GRIK4: variants seen among roughly 807,000 people sequenced by gnomAD.
GRIK4 encodes glutamate ionotropic receptor kainate type subunit 4.
A neutral mutation model predicts 104.9 loss-of-function variants in GRIK4; 40 were observed. The observed-to-expected ratio is 0.38, with a 90% CI of 0.30 to 0.50. The LOEUF is 0.50. Ranked by LOEUF, GRIK4 falls within the 20% of genes least tolerant of loss-of-function variation. The pLI is 0.93. For missense variants in GRIK4, 1,047 were observed against 1,308.1 expected (o/e 0.80, Z 3.08); for synonymous variants, 485 against 524.9 (o/e 0.92, Z 1.04).
rs144527728 is a variant in GRIK4 at position 120,696,261 on chromosome 11, G to A, written c.82+35861G>A. Among the ~76,000 whole-genome samples the A allele has an allele frequency of 9.9e-5, 15 of 152,258 alleles. 2 individuals carry two copies. Among genetic ancestry groups the A allele is most frequent in the East Asian group, 3.9e-4 (2 of 5,176 alleles). ...GGTTGCCCGTGAGCACATATGCACC[G>A]AAGTGTGTCTGTCCCAGTGGCAACC... is the stretch of plus-strand genomic sequence containing the variant. On this transcript the variant is annotated intron_variant, in intron 3 of 20. Transcript: ENST00000527524.
rs931728064 is a variant in GRIK4, at chr11:120,956,631, T to C, written c.1701-149T>C. On this transcript the variant is annotated intron_variant, in intron 15 of 20. Transcript: ENST00000527524. This position sits in a 1 kb window ranked among gnomAD's most constrained non-coding sequence, Gnocchi z 4.6. ...CCACTTATTTTATTTTATTTTTTTTTTGGTTGCGAAACTCCAAGTCCAGCA... is the reference window on the plus strand; with the variant it reads ...CCACTTATTTTATTTTATTTTTTTTCTGGTTGCGAAACTCCAAGTCCAGCA... 4.5e-6 allele frequency: 2 copies of C among 448,694 alleles called. No individual in the cohort carries two copies. Among genetic ancestry groups the C allele is most frequent in the Non-Finnish European group, 7.8e-6 (2 of 256,576 alleles). 27.8% of individuals were successfully genotyped at this position (448,694 alleles called of 1,614,324 possible). A position where few individuals can be genotyped will look rare whatever the true frequency, so the allele number is the denominator to read the frequency against.
intron 4 of GRIK4, among the ~76,000 whole-genome samples, chr11:120,808,162 G>T (rs1278186417): frequency 6.6e-6 from 1 of 152,206 alleles, no homozygotes; most frequent in African/African-American, 2.4e-5. Flanking sequence ...GTACATAGGG[G>T]CAGAGGAGAG....
intron 1 of GRIK4, among the ~76,000 whole-genome samples, chr11:120,632,349 C>T (rs764615283): frequency 2.0e-5 from 3 of 152,084 alleles, no homozygotes; most frequent in African/African-American, 2.4e-5. Flanking sequence ...CCTCAAACTA[C>T]GACATCCACC....
intron 13 of GRIK4, among the ~76,000 whole-genome samples, chr11:120,911,299 C>T (rs1202801152): frequency 1.2e-4 from 18 of 147,770 alleles, no homozygotes; most frequent in Non-Finnish European, 1.9e-4. Flanking sequence ...AGTGCAGTGG[C>T]GCGATCTCGA....
intron 3 of GRIK4, among the ~76,000 whole-genome samples, chr11:120,678,356 C>T (rs1950133918): frequency 6.6e-6 from 1 of 152,056 alleles, no homozygotes; most frequent in Non-Finnish European, 1.5e-5. Context: ...CTGTGGTGCT[C>T]AGAAGGGCCA....
intron 8 of GRIK4, among the ~76,000 whole-genome samples, chr11:120,839,308 A>T (rs551889791): frequency 6.6e-6 from 1 of 152,348 alleles, no homozygotes; most frequent in Non-Finnish European, 1.5e-5. Flanking sequence ...GAGAACAAGC[A>T]TGGTGAACGG....
intron 3 of GRIK4, among the ~76,000 whole-genome samples, chr11:120,786,430 G>C (rs1952275780): frequency 6.6e-6 from 1 of 152,194 alleles, no homozygotes; most frequent in Non-Finnish European, 1.5e-5. Flanking sequence ...CCATTGGACA[G>C]CTTTTTCTGG....
At chr11:120,945,435 C>A (rs527638572) in intron 14 of GRIK4, among the ~76,000 whole-genome samples, 1 of 152,244 alleles carries the variant, frequency 6.6e-6, no homozygotes, top group East Asian at 1.9e-4. Flanking sequence ...TTTTATGATA[C>A]GATTTTTGGT....
At chr11:120,566,890 G>A (rs183193405) in intron 1 of GRIK4, among the ~76,000 whole-genome samples, 35 of 151,154 alleles carry the variant, frequency 2.3e-4, no homozygotes, top group African/African-American at 7.5e-4. Context: ...TTGTATTTTA[G>A]TGGAGATGGG....
At chr11:120,612,462 T>G (rs750979839) in intron 1 of GRIK4, among the ~76,000 whole-genome samples, 7 of 151,388 alleles carry the variant, frequency 4.6e-5, no homozygotes, top group Non-Finnish European at 1.0e-4. Flanking sequence ...TACTGATTGA[T>G]TTCCTTAAAT....
intron 3 of GRIK4, among the ~76,000 whole-genome samples, chr11:120,728,351 A>G (rs1177332982): frequency 6.6e-6 from 1 of 152,200 alleles, no homozygotes; most frequent in African/African-American, 2.4e-5. Context: ...AAGAACACAC[A>G]CTTATATTAA....
At chr11:120,577,512 A>G (rs555296258) in intron 1 of GRIK4, among the ~76,000 whole-genome samples, 3 of 152,122 alleles carry the variant, frequency 2.0e-5, no homozygotes, top group Admixed American at 6.5e-5. Flanking sequence ...CTGATCTTCC[A>G]GGGCTAGGTG....
At chr11:120,927,061 C>A (rs74594005) in intron 13 of GRIK4, among the ~76,000 whole-genome samples, 1 of 151,978 alleles carries the variant, frequency 6.6e-6, no homozygotes, top group Non-Finnish European at 1.5e-5. Context: ...ACTCCAAGAC[C>A]CCAAGGTGGA....
chr11:120,564,563 C>G (rs971478507), intron 1 of GRIK4: 1 of 152,334 alleles, frequency 6.6e-6, no homozygotes, highest in Non-Finnish European at 1.5e-5. Flanking sequence ...CCGGGCGGCT[C>G]CCGGCCTCTC....
chr11:120,793,216 T>C (rs1323571681), intron 3 of GRIK4, among the ~76,000 whole-genome samples: 1 of 151,882 alleles, frequency 6.6e-6, no homozygotes, highest in Non-Finnish European at 1.5e-5. Flanking sequence ...CAGAGTGCAG[T>C]GGGTCGAGGA....
intron 19 of GRIK4, among the ~76,000 whole-genome samples, chr11:120,978,069 C>T (rs911457417): frequency 3.3e-5 from 5 of 152,202 alleles, no homozygotes; most frequent in African/African-American, 9.7e-5. Context: ...TTTGGTAATG[C>T]AGCCCTCTGC....
Position 120,819,717 on chromosome 11 carries a change from G to A in GRIK4, c.346-38G>A. 1 of 1,605,620 alleles carries A rather than the reference G, an allele frequency of 6.2e-7. No individual in the cohort carries two copies. The highest frequency in any genetic ancestry group is 8.5e-7 in the Non-Finnish European group (1 of 1,172,528). ...CCTCTTTCTTCCTTTTCACCCACCT[G>A]GATCCTCCCTGCTGTCCGTTTTTGC... On this transcript the variant is annotated intron_variant, in intron 5 of 20. Transcript: ENST00000527524. The surrounding 1 kb of genome is among the most constrained non-coding windows in gnomAD (Gnocchi z 4.3).
At chr11:120,652,972 GCAAA>G (rs1283413449) in intron 1 of GRIK4, among the ~76,000 whole-genome samples, 1 of 152,186 alleles carries the variant, frequency 6.6e-6, no homozygotes, top group Non-Finnish European at 1.5e-5. Flanking sequence ...TCATGAATCA[GCAAA>G]CATTTATTAA....
At chr11:120,722,334 T>C (rs1201715324) in intron 3 of GRIK4, among the ~76,000 whole-genome samples, 1 of 152,208 alleles carries the variant, frequency 6.6e-6, no homozygotes, top group Non-Finnish European at 1.5e-5. Flanking sequence ...AGAAAGATTT[T>C]GGGGCCGGGC....
Sources: gnomAD v4.1 joint callset for allele counts (sites outside exome capture counted in the v4.1 genomes callset) on GRCh38, gnomAD v4.1.1 for gene constraint, Gnocchi (gnomAD v3.1) non-coding constraint, MANE v1.5 for transcripts, NCBI Gene and HGNC (gene_info 2026-07-23, HGNC 2026-07-21) for gene names.